The following RNF169 variants were observed in gnomAD, a reference collection of about 807,000 sequenced individuals.
RNF169 encodes the protein E3 ubiquitin-protein ligase RNF169.
In RNF169, 24 loss-of-function variants were observed where a neutral mutation model predicts 53.9. The observed-to-expected ratio is 0.45, with a 90% CI of 0.32 to 0.63. RNF169 has a LOEUF of 0.63. Ranked by LOEUF, RNF169 falls within the 20% of genes least tolerant of loss-of-function variation. The probability of loss-of-function intolerance (pLI) is 0.04; values close to 1 mark genes in which losing one functional copy is unlikely to be tolerated. For synonymous variants in RNF169, 396 were observed against 363.5 expected (o/e 1.09, Z -1.02); for missense variants, 883 against 906.2 (o/e 0.97, Z 0.33).
intron 2 of RNF169, among the ~76,000 whole-genome samples, chr11:74,806,029 A>G (rs1359235125): frequency 6.6e-6 from 1 of 152,162 alleles, no homozygotes; most frequent in Non-Finnish European, 1.5e-5. Flanking sequence ...ATACATGTAT[A>G]TATATACACA....
intron 4 of RNF169, among the ~76,000 whole-genome samples, chr11:74,819,355 C>T (rs566187811): frequency 1.4e-4 from 21 of 152,168 alleles, no homozygotes; most frequent in Non-Finnish European, 2.1e-4. Flanking sequence ...CAGGAGGAAA[C>T]TGAGTTAGAA....
chr11:74,800,329 T>C (rs2035711410), intron 2 of RNF169, among the ~76,000 whole-genome samples: 5 of 152,208 alleles, frequency 3.3e-5, no homozygotes, highest in African/African-American at 1.2e-4. Context: ...TTTTGTTTAT[T>C]GCAGACTTTT....
intron 1 of RNF169, among the ~76,000 whole-genome samples, chr11:74,771,788 C>T (rs879557922): frequency 4.6e-5 from 7 of 152,032 alleles, no homozygotes; most frequent in African/African-American, 1.4e-4. Context: ...CATGGTGGCT[C>T]ATGCCTATGA....
chr11:74,816,117 C>T (rs989354739), intron 3 of RNF169, among the ~76,000 whole-genome samples: 10 of 152,118 alleles, frequency 6.6e-5, no homozygotes, highest in African/African-American at 1.7e-4. Flanking sequence ...TCTATTGTGT[C>T]GCTGTGCCTG....
chr11:74,841,650 C>T lies in RNF169; in HGVS notation c.*4920C>T, dbSNP rs927195314. ...GAGGCAACCTCAAACTCTAAGCAGACTCCCTCTCTCCCTTTCTGGTGTCTT... is the reference window on the plus strand; with the variant it reads ...GAGGCAACCTCAAACTCTAAGCAGATTCCCTCTCTCCCTTTCTGGTGTCTT... On this transcript the variant is annotated 3_prime_UTR_variant, in exon 6 of 6. Transcript: ENST00000299563. 2 of 152,192 alleles carry T rather than the reference C, an allele frequency of 1.3e-5. No individual in the cohort carries two copies. Among genetic ancestry groups the T allele is most frequent in the Non-Finnish European group, 2.9e-5 (2 of 68,028 alleles). The allele number at this position is 152,192 out of a possible 1,614,324, so 9.4% of individuals were successfully genotyped here. A position where few individuals can be genotyped will look rare whatever the true frequency, so the allele number is the denominator to read the frequency against.
chr11:74,763,822 G>A (rs191443049), intron 1 of RNF169, among the ~76,000 whole-genome samples: 15 of 152,242 alleles, frequency 9.9e-5, no homozygotes, highest in Admixed American at 4.6e-4. Flanking sequence ...CCTTAGGTTC[G>A]AGGCTCATGA....
chr11:74,781,618 CTT>C (rs1177030512), intron 1 of RNF169, among the ~76,000 whole-genome samples: 1 of 152,138 alleles, frequency 6.6e-6, no homozygotes, highest in South Asian at 2.1e-4. Flanking sequence ...TCTTATGAAA[CTT>C]TTTGTTCTTT....
In RNF169 at chr11:74,836,578, A is replaced by C; in HGVS notation, c.1975A>C (p.Met659Leu). Reference protein sequence around the residue: ...LAPTDPVLREMEQKLQQEEED... With the variant: ...LAPTDPVLRELEQKLQQEEED... ...CCCAACAGACCCAGTCCTGCGAGAGATGGAGCAGAAGCTTCAGCAAGAGGA... is the reference window on the plus strand; with the variant it reads ...CCCAACAGACCCAGTCCTGCGAGAGCTGGAGCAGAAGCTTCAGCAAGAGGA... Residue 659 changes from methionine to leucine, a missense_variant, in exon 6 of 6, where the codon ATG becomes CTG. Met to Leu is a conservative substitution (Grantham distance 15, BLOSUM62 2). Transcript: ENST00000299563. The C allele has an allele frequency of 6.2e-7, 1 of 1,614,128 alleles. No homozygotes were observed. The highest frequency in any genetic ancestry group is 8.5e-7 in the Non-Finnish European group (1 of 1,180,050).
At chr11:74,803,844 A>T (rs1162257717) in intron 2 of RNF169, among the ~76,000 whole-genome samples, 9 of 152,260 alleles carry the variant, frequency 5.9e-5, no homozygotes, top group Admixed American at 5.9e-4. Flanking sequence ...TGAGGAAATG[A>T]GCATTATTCA....
intron 2 of RNF169, among the ~76,000 whole-genome samples, chr11:74,800,852 T>C (rs1591414088): frequency 2.6e-5 from 4 of 152,204 alleles, no homozygotes; most frequent in Middle Eastern, 3.2e-3. Flanking sequence ...TGTCCCCCTC[T>C]TCATTCAGCC....
chr11:74,835,219 G>A (rs1591436035), intron 5 of RNF169, among the ~76,000 whole-genome samples: 1 of 152,248 alleles, frequency 6.6e-6, no homozygotes, highest in East Asian at 1.9e-4. Context: ...TAATACACCT[G>A]TCTCAGCTTC....
intron 2 of RNF169, among the ~76,000 whole-genome samples, chr11:74,797,492 A>G (rs1170825053): frequency 6.6e-6 from 1 of 152,198 alleles, no homozygotes; most frequent in East Asian, 1.9e-4. Context: ...TCGATTATAA[A>G]TCTTTCAAGA....
In RNF169 at chr11:74,841,289, G is replaced by C. The variant is rs1049986091; in HGVS notation, c.*4559G>C. The stretch of plus-strand genomic sequence containing the variant: ...TTATGAATTCTCAAAAGAGAAAGCA[G>C]GTCTGGGGCGGGGTGGTCAGGAGAC... On this transcript the variant is annotated 3_prime_UTR_variant, in exon 6 of 6. Transcript: ENST00000299563. 6.6e-6 allele frequency: 1 copy of C among 152,296 alleles called. No individual in the cohort carries two copies. Among genetic ancestry groups the C allele is most frequent in the Admixed American group, 6.5e-5 (1 of 15,298 alleles). The allele number at this position is 152,296 out of a possible 1,614,324, so 9.4% of individuals were successfully genotyped here.
intron 1 of RNF169, among the ~76,000 whole-genome samples, chr11:74,786,150 A>T (rs2035498452): frequency 6.6e-6 from 1 of 151,648 alleles, no homozygotes; most frequent in Non-Finnish European, 1.5e-5. Flanking sequence ...CATGTTAGCC[A>T]GGATGGTCTT....
chr11:74,817,874 AG>A (rs2135127689), intron 4 of RNF169, among the ~76,000 whole-genome samples, 160 bp downstream of exon 4: 1 of 152,264 alleles, frequency 6.6e-6, no homozygotes, highest in South Asian at 2.1e-4. Flanking sequence ...CTAGGGAAAA[AG>A]GGCTGACCTG....
chr11:74,785,240 TGTTATATATGTTAG>T (rs1177288702), intron 1 of RNF169, among the ~76,000 whole-genome samples: 19 of 85,166 alleles, frequency 2.2e-4, no homozygotes, highest in South Asian at 1.7e-3. Context: ...ATTATATATA[TGTTATATATGTTAG>T]ATATATATGT....
intron 4 of RNF169, among the ~76,000 whole-genome samples, chr11:74,828,732 A>G (rs1286613544): frequency 1.3e-5 from 2 of 152,160 alleles, no homozygotes; most frequent in Non-Finnish European, 2.9e-5. Context: ...GACAAAAACA[A>G]TGGGGAAAGG....
intron 1 of RNF169, among the ~76,000 whole-genome samples, chr11:74,770,227 ATTCCT>A (rs2035240151): frequency 2.0e-5 from 3 of 152,264 alleles, no homozygotes; most frequent in Admixed American, 6.5e-5. Context: ...TGGAGAGCCC[ATTCCT>A]GGGCCTTGGG....
intron 3 of RNF169, among the ~76,000 whole-genome samples, chr11:74,816,494 A>G (rs936561128): frequency 6.6e-6 from 1 of 152,236 alleles, no homozygotes; most frequent in Non-Finnish European, 1.5e-5. Context: ...TTTCTAATGT[A>G]ATTGGAAAGA....
Sources: gnomAD v4.1 joint callset for allele counts (sites outside exome capture counted in the v4.1 genomes callset) on GRCh38, gnomAD v4.1.1 for gene constraint, MANE v1.5 for transcripts, NCBI Gene and HGNC (gene_info 2026-07-23, HGNC 2026-07-21) for gene names.